PAH: variants seen among roughly 807,000 people sequenced by gnomAD.
PAH encodes the protein phenylalanine-4-hydroxylase.
Under a neutral mutation model 62.0 loss-of-function variants are expected in PAH, and 64 were observed. The ratio of observed to expected loss-of-function variants is 1.03; its 90% CI spans 0.84 to 1.27. PAH has a LOEUF of 1.27. Among genes scored for constraint, PAH ranks in the 50% most tolerant of loss-of-function variants. The probability of loss-of-function intolerance (pLI) is 0.00; values close to 1 mark genes in which losing one functional copy is unlikely to be tolerated. For missense variants in PAH, 579 were observed against 542.8 expected, an observed-to-expected ratio of 1.07 and a Z score of -0.66; for synonymous variants, 195 against 196.2, an observed-to-expected ratio of 0.99 and a Z score of 0.05.
chr12:102,951,983 C>G (rs995857052), upstream of PAH, among the ~76,000 whole-genome samples: 32 of 152,078 alleles, frequency 2.1e-4, no homozygotes, highest in African/African-American at 7.7e-4. Flanking sequence ...TATACAAACT[C>G]CAGCGTCCAG....
At chr12:102,891,982 C>T (rs894711850) in intron 3 of PAH, among the ~76,000 whole-genome samples, 1 of 152,030 alleles carries the variant, frequency 6.6e-6, no homozygotes, top group Non-Finnish European at 1.5e-5. Context: ...AGCAGGTGGC[C>T]GGAAAAAAGC....
chr12:102,935,825 CT>C (rs1444256793), intron 1 of PAH, among the ~76,000 whole-genome samples: 1 of 151,244 alleles, frequency 6.6e-6, no homozygotes, highest in Non-Finnish European at 1.5e-5. Context: ...TTTTGTTTAC[CT>C]TTTCAAAAAA....
At chr12:102,866,719 C>G (rs746959437) in intron 4 of PAH, 56 bp from the exon 5 acceptor site, 1 of 1,372,754 alleles carries the variant, frequency 7.3e-7, no homozygotes, top group Non-Finnish European at 1.0e-6. Context: ...GGTCTGGTAC[C>G]TTTATGAATG....
At chr12:102,909,921 T>C (rs1325883359) in intron 2 of PAH, among the ~76,000 whole-genome samples, 1 of 152,148 alleles carries the variant, frequency 6.6e-6, no homozygotes, top group Non-Finnish European at 1.5e-5. Flanking sequence ...ATCGCACCAC[T>C]ACACTCCAGC....
intron 5 of PAH, among the ~76,000 whole-genome samples, chr12:102,859,688 T>C (rs2136655246): frequency 6.6e-6 from 1 of 152,348 alleles, no homozygotes; most frequent in Non-Finnish European, 1.5e-5. Context: ...TCAATAAATG[T>C]AATCCAGCAT....
chr12:102,888,686 C>G (rs780618817), intron 3 of PAH, among the ~76,000 whole-genome samples: 29 of 151,682 alleles, frequency 1.9e-4, no homozygotes, highest in African/African-American at 4.4e-4. Flanking sequence ...GTCACCTCCC[C>G]CTGAATGGGC....
At chr12:102,885,645 G>A (rs1443577789) in intron 3 of PAH, among the ~76,000 whole-genome samples, 1 of 152,192 alleles carries the variant, frequency 6.6e-6, no homozygotes, top group East Asian at 1.9e-4. Flanking sequence ...GGGACGCCAA[G>A]GGGTGGCTGG....
intron 1 of PAH, among the ~76,000 whole-genome samples, chr12:102,947,671 A>G (rs561830939): frequency 1.3e-5 from 2 of 152,366 alleles, no homozygotes; most frequent in South Asian, 4.1e-4. Flanking sequence ...AGATGCATTG[A>G]GATGATCAAA....
At chr12:102,866,725 G>T in intron 4 of PAH, 62 bp from the exon 5 acceptor site, 1 of 1,255,558 alleles carries the variant, frequency 8.0e-7, no homozygotes, top group Non-Finnish European at 1.2e-6. Context: ...GTACCTTTAT[G>T]AATGCTTTGA....
chr12:102,908,605 T>C (rs1401451192), intron 2 of PAH, among the ~76,000 whole-genome samples: 1 of 152,118 alleles, frequency 6.6e-6, no homozygotes, highest in Non-Finnish European at 1.5e-5. Flanking sequence ...TATGAAAAAA[T>C]AGAAATGATA....
At chr12:102,854,694 G>T in intron 6 of PAH, 1 of 251,360 alleles carries the variant, frequency 4.0e-6, no homozygotes, top group Non-Finnish European at 7.7e-6. Context: ...TTGAAGGCAG[G>T]ATTCATACCA....
intron 8 of PAH, 159 bp from the exon 9 acceptor site, chr12:102,847,110 A>G (rs1431539579): frequency 8.9e-6 from 6 of 675,216 alleles, no homozygotes; most frequent in Non-Finnish European, 1.1e-5. Flanking sequence ...CCCATATGTT[A>G]TAGAATCACA....
intron 2 of PAH, among the ~76,000 whole-genome samples, chr12:102,908,799 C>G (rs1377469581): frequency 2.6e-5 from 4 of 151,388 alleles, no homozygotes; most frequent in Non-Finnish European, 5.9e-5. Context: ...TTCTAGGATC[C>G]CATTCAAAAT....
chr12:102,923,326 G>A (rs1878603152), intron 1 of PAH, among the ~76,000 whole-genome samples: 1 of 152,126 alleles, frequency 6.6e-6, no homozygotes, highest in Non-Finnish European at 1.5e-5. Flanking sequence ...TTCTGGACAG[G>A]GACTTGACTG....
At chr12:102,938,098 C>T (rs73395409) in intron 1 of PAH, among the ~76,000 whole-genome samples, 4,803 of 152,194 alleles carry the variant, frequency 0.032, 262 homozygotes, top group African/African-American at 0.11. Context: ...GTCCAGGAAG[C>T]CATGTTGGAA....
At chr12:102,891,923 C>T (rs1200060262) in intron 3 of PAH, among the ~76,000 whole-genome samples, 1 of 152,196 alleles carries the variant, frequency 6.6e-6, no homozygotes, top group Non-Finnish European at 1.5e-5. Flanking sequence ...CTGAATTGCC[C>T]CAGGATCTGG....
rs748034432 is a variant in PAH, at chr12:102,851,644, G to A, written c.912+43C>T. 38 of 1,542,414 alleles carry A rather than the reference G, an allele frequency of 2.5e-5. No individual in the cohort carries two copies. In the Admixed American group the frequency reaches 6.2e-4, roughly 25 times the overall value. On this transcript the variant is annotated intron_variant, in intron 8 of 12. Coordinates refer to ENST00000553106, the MANE Select transcript of PAH (RefSeq NM_000277.3). ...GGCTCAACTCATTTGAGAAATTCAG[G>A]TCACAGACCTATAACTAGAAGGCTA...
intron 1 of PAH, among the ~76,000 whole-genome samples, chr12:102,941,110 G>A (rs547264549): frequency 1.3e-5 from 2 of 152,232 alleles, no homozygotes; most frequent in Middle Eastern, 3.4e-3. Context: ...ACTCTTTTCA[G>A]ACAAGCAAAT....
chr12:102,908,705 A>T (rs1285695274), intron 2 of PAH, among the ~76,000 whole-genome samples: 8 of 152,226 alleles, frequency 5.3e-5, no homozygotes, highest in Admixed American at 5.2e-4. Context: ...GTTACAATTA[A>T]TGAACCAATA....
Sources: allele counts gnomAD v4.1 joint callset (sites outside exome capture counted in the v4.1 genomes callset), GRCh38; gene constraint gnomAD v4.1.1; transcripts MANE v1.5; gene names NCBI Gene and HGNC (gene_info 2026-07-23, HGNC 2026-07-21).